Variants in CCDC157 observed in about 807,000 individuals in gnomAD.
CCDC157 encodes the protein coiled-coil domain containing 157, also known as coiled-coil domain-containing protein 157.
Under a neutral mutation model 70.9 loss-of-function variants are expected in CCDC157, and 60 were observed. That is an observed-to-expected ratio of 0.85 (90% confidence interval 0.69 to 1.05). The LOEUF (loss-of-function observed/expected upper bound fraction) is 1.05. Among genes scored for constraint, CCDC157 ranks in the 50% least tolerant of loss-of-function variants. The pLI is 0.00. For synonymous variants in CCDC157, 373 were observed against 422.4 expected, an observed-to-expected ratio of 0.88 and a Z score of 1.43; for missense variants, 943 against 984.2, an observed-to-expected ratio of 0.96 and a Z score of 0.56.
chr22:30,356,853 C>A, upstream of CCDC157: 1 of 1,257,918 alleles, frequency 7.9e-7, no homozygotes, highest in Middle Eastern at 2.7e-4. Flanking sequence ...CGCCTCAAGA[C>A]AGCCTCCCCG....
intron 9 of CCDC157, chr22:30,374,631 G>T (rs1170408195): frequency 2.2e-6 from 1 of 456,926 alleles, no homozygotes; most frequent in Admixed American, 2.3e-5. Flanking sequence ...GAGCTGGCAG[G>T]AAGATGTGCA....
rs750514056 is a variant in CCDC157, at chr22:30,371,726, G to C, written c.1122G>C (p.Val374=). 6.2e-7 allele frequency: 1 copy of C among 1,613,388 alleles called. No individual in the cohort carries two copies. The highest frequency in any genetic ancestry group is 2.2e-5 in the East Asian group (1 of 44,882). The change falls in exon 6 of 12, where the codon GTG becomes GTC. Residue 374 remains valine (V), a splice_region_variant and synonymous_variant. Coordinates refer to ENST00000338306, the MANE Select transcript of CCDC157 (RefSeq NM_001017437.5). The stretch of plus-strand genomic sequence containing the variant: ...AGCAGCGGGAGTCCACACAGGCTGT[G>C]GGTAAGGAGCCCCATCATAGGCCCC... ...LKQQRESTQA[V]EAKAQQLQEE...
intron 9 of CCDC157, 66 bp from the exon 10 acceptor site, chr22:30,375,413 G>A (rs1933278332): frequency 6.6e-7 from 1 of 1,519,128 alleles, no homozygotes. Flanking sequence ...CAGCTCCTTT[G>A]TGCCTCCAGG....
rs981541227 is a variant in CCDC157 at position 30,376,848 on chromosome 22, A to G, written c.*103A>G. 7.5e-6 allele frequency: 9 copies of G among 1,204,856 alleles called. No individual in the cohort carries two copies. The highest frequency in any genetic ancestry group is 1.0e-5 in the Non-Finnish European group (9 of 862,338). The allele number at this position is 1,204,856 out of a possible 1,614,324, so 74.6% of individuals were successfully genotyped here. Reference sequence around the variant, plus strand: ...ACAGCAATCTTTGCCTCACAGTATGACTGAGCCAAGGAAAGAACCCTTCCT... The same window carrying G: ...ACAGCAATCTTTGCCTCACAGTATGGCTGAGCCAAGGAAAGAACCCTTCCT... On this transcript the variant is annotated 3_prime_UTR_variant, in exon 12 of 12. Transcript: ENST00000338306.
chr22:30,376,341 C>A lies in CCDC157; in HGVS notation c.1940C>A (p.Ser647Tyr). The A allele has an allele frequency of 6.2e-7, 1 of 1,613,236 alleles. No individual in the cohort carries two copies. The highest frequency in any genetic ancestry group is 8.5e-7 in the Non-Finnish European group (1 of 1,179,656). ...CCACCAGTCCAGGCCAAGAGCACAT[C>A]CCCAGGGTGAGTGAGGCTTTACTGG... ...ATPPVQAKST[S>Y]PGPLGRQHLP... The change falls in exon 11 of 12, where the codon TCC becomes TAC. Residue 647 changes from serine (S) to tyrosine (Y), a missense_variant. Transcript: ENST00000338306.
rs1933445007 is a variant in CCDC157, at chr22:30,378,014, T to C, written c.*1269T>C. 4.7e-6 allele frequency: 2 copies of C among 426,198 alleles called. No homozygotes were observed. Among genetic ancestry groups the C allele is most frequent in the African/African-American group, 4.1e-5 (2 of 48,470 alleles). The allele number at this position is 426,198 out of a possible 1,614,324, so 26.4% of individuals were successfully genotyped here. ...GAAGAATTGGCTTCCAAGCTCCACT[T>C]GTTGGCAGAATTCCGATCCTTGCGG... On this transcript the variant is annotated 3_prime_UTR_variant, in exon 12 of 12. Transcript: ENST00000338306.
At chr22:30,373,452 T>A (rs1401751431) in intron 7 of CCDC157, 145 bp from the exon 8 acceptor site, 9 of 850,096 alleles carry the variant, frequency 1.1e-5, no homozygotes, top group Non-Finnish European at 1.4e-5. Context: ...CTTCCACGCA[T>A]GTGACCAGCA....
chr22:30,372,230 A>G lies in CCDC157; in HGVS notation c.1279A>G (p.Ser427Gly), dbSNP rs533818560. Residue 427 changes from serine to glycine, a missense_variant, in exon 7 of 12, where the codon AGC becomes GGC. Physicochemically the swap from Ser to Gly is moderately conservative, Grantham distance 56. Transcript: ENST00000338306. ...EGAGQQVCWA[S>G]TELDKEKARV... Reference sequence around the variant, plus strand: ...CGCTGGCCAGCAGGTCTGCTGGGCCAGCACGGAGCTGGATAAGGAGAAGGC... The same window carrying G: ...CGCTGGCCAGCAGGTCTGCTGGGCCGGCACGGAGCTGGATAAGGAGAAGGC... 1 of 1,596,970 alleles carries G rather than the reference A, an allele frequency of 6.3e-7. No individual in the cohort carries two copies. The highest frequency in any genetic ancestry group is 1.1e-5 in the South Asian group (1 of 88,482).
chr22:30,377,137 A>T lies in CCDC157; in HGVS notation c.*392A>T. On this transcript the variant is annotated 3_prime_UTR_variant, in exon 12 of 12. Coordinates refer to ENST00000338306, the MANE Select transcript of CCDC157 (RefSeq NM_001017437.5). The stretch of plus-strand genomic sequence containing the variant: ...CTGACTCAGGAAGGGGTCAGGTGGG[A>T]GTGGACAGAGGAAGGGCCGGTGAGG... 2 of 243,052 alleles carry T rather than the reference A, an allele frequency of 8.2e-6. No homozygotes were observed. Among genetic ancestry groups the T allele is most frequent in the East Asian group, 1.7e-4 (2 of 11,538 alleles). 15.1% of individuals were successfully genotyped at this position (243,052 alleles called of 1,614,324 possible). A position where few individuals can be genotyped will look rare whatever the true frequency, so the allele number is the denominator to read the frequency against.
chr22:30,363,683 CTTTTTTT>C (rs55722661), intron 2 of CCDC157, among the ~76,000 whole-genome samples: 4 of 114,636 alleles, frequency 3.5e-5, no homozygotes, highest in African/African-American at 1.0e-4. Flanking sequence ...GAATGTTTCT[CTTTTTTT>C]TTTTTTTTTT....
chr22:30,375,754 GC>G (rs1426306760), intron 10 of CCDC157, 91 bp downstream of exon 10: 8 of 1,151,060 alleles, frequency 7.0e-6, no homozygotes, highest in Admixed American at 5.6e-5. Context: ...CTTGTGGAGA[GC>G]CCACCTCATC....
rs529483498 is a variant in CCDC157, at chr22:30,366,188, C to G, written c.188C>G (p.Pro63Arg). Reference protein sequence around the residue: ...VALLEHYDHVPGDPEFTQLSH... With the variant: ...VALLEHYDHVRGDPEFTQLSH... ...CTGCTGGAGCACTATGACCATGTTCCGGGTGACCCCGAGTTCACGCAGCTG... is the reference window on the plus strand; with the variant it reads ...CTGCTGGAGCACTATGACCATGTTCGGGGTGACCCCGAGTTCACGCAGCTG... Residue 63 changes from proline (P) to arginine (R), a missense_variant, in exon 3 of 12, where the codon CCG becomes CGG. Transcript: ENST00000338306. 3.1e-6 allele frequency: 5 copies of G among 1,613,634 alleles called. No homozygotes were observed. Among genetic ancestry groups the G allele is most frequent in the Non-Finnish European group, 8.5e-7 (1 of 1,179,942 alleles).
At chr22:30,360,499 C>T (rs987840687) in intron 1 of CCDC157, among the ~76,000 whole-genome samples, 7 of 144,892 alleles carry the variant, frequency 4.8e-5, no homozygotes, top group African/African-American at 1.0e-4. Flanking sequence ...AGCGAGACTC[C>T]GTCTCAAAAA....
chr22:30,364,800 G>C (rs1456250661), intron 2 of CCDC157, among the ~76,000 whole-genome samples: 2 of 148,168 alleles, frequency 1.3e-5, no homozygotes, highest in East Asian at 2.0e-4. Flanking sequence ...GAGCAACAGA[G>C]CTAGACACCA....
At position 30,370,399 on chromosome 22, in the gene CCDC157, A is replaced by G; in HGVS notation, c.494A>G (p.Tyr165Cys). The G allele has an allele frequency of 1.9e-6, 3 of 1,614,128 alleles. No homozygotes were observed. Among genetic ancestry groups the G allele is most frequent in the Non-Finnish European group, 2.5e-6 (3 of 1,180,030 alleles). ...TKGEPARSPEYLTTKLIKPSS... is the reference protein window; with the variant it reads ...TKGEPARSPECLTTKLIKPSS... The stretch of plus-strand genomic sequence containing the variant: ...GGCGAGCCAGCCAGGAGCCCTGAAT[A>G]TCTGACTACCAAGTTAATCAAGCCC... Residue 165 changes from tyrosine to cysteine, a missense_variant, in exon 5 of 12, where the codon TAT becomes TGT. By Grantham distance (194) the Tyr-to-Cys change is radical. Coordinates refer to ENST00000338306, the MANE Select transcript of CCDC157 (RefSeq NM_001017437.5).
chr22:30,370,339 A>G lies in CCDC157; in HGVS notation c.434A>G (p.Gln145Arg). 1.2e-6 allele frequency: 2 copies of G among 1,613,738 alleles called. No homozygotes were observed. Among genetic ancestry groups the G allele is most frequent in the Non-Finnish European group, 1.7e-6 (2 of 1,179,820 alleles). Reference sequence around the variant, plus strand: ...TTCTGAACACAGAAAGGGGCAAACCAAAGGGAGACTCCCACCTCCAAGCCC... The same window carrying G: ...TTCTGAACACAGAAAGGGGCAAACCGAAGGGAGACTCCCACCTCCAAGCCC... ...QQPLPQKGAN[Q>R]RETPTSKPTT... is the part of the protein sequence containing the mutation. Residue 145 changes from glutamine (Q) to arginine (R), a missense_variant, in exon 5 of 12, where the codon CAA becomes CGA. Transcript: ENST00000338306.
chr22:30,361,572 A>G (rs1399542297), intron 1 of CCDC157, among the ~76,000 whole-genome samples: 1 of 152,194 alleles, frequency 6.6e-6, no homozygotes, highest in Non-Finnish European at 1.5e-5. Context: ...TGTGGCTAGT[A>G]GAAAAACCTA....
intron 9 of CCDC157, chr22:30,375,031 T>C (rs1342783640): frequency 6.3e-6 from 2 of 316,494 alleles, no homozygotes; most frequent in East Asian, 8.8e-5. Flanking sequence ...CAATCTCTGC[T>C]CACTGCAACC....
At position 30,372,217 on chromosome 22, in the gene CCDC157, G is replaced by C; in HGVS notation, c.1266G>C (p.Gln422His). The change falls in exon 7 of 12, where the codon CAG (glutamine) becomes CAC (histidine). Residue 422 changes from glutamine (Q) to histidine (H), a missense_variant. Physicochemically the swap from Gln to His is conservative, Grantham distance 24 (BLOSUM62 0). Transcript: ENST00000338306. Reference protein sequence around the residue: ...LVGRLEGAGQQVCWASTELDK... With the variant: ...LVGRLEGAGQHVCWASTELDK... ...GTCGGCTGGAGGGCGCTGGCCAGCA[G>C]GTCTGCTGGGCCAGCACGGAGCTGG... The C allele has an allele frequency of 6.3e-7, 1 of 1,596,232 alleles. No individual in the cohort carries two copies. Among genetic ancestry groups the C allele is most frequent in the Non-Finnish European group, 8.5e-7 (1 of 1,174,596 alleles).
Sources: gnomAD v4.1 joint callset for allele counts (sites outside exome capture counted in the v4.1 genomes callset) on GRCh38, gnomAD v4.1.1 for gene constraint, MANE v1.5 for transcripts, NCBI Gene and HGNC (gene_info 2026-07-23, HGNC 2026-07-21) for gene names.